CA10: variants seen among roughly 807,000 people sequenced by gnomAD.
CA10 encodes carbonic anhydrase 10 (inactive).
CA10 carries 14 observed loss-of-function variants against 44.2 expected under a neutral mutation model. The observed-to-expected ratio is 0.32, with a 90% CI of 0.21 to 0.50. The LOEUF (loss-of-function observed/expected upper bound fraction) is 0.50, where lower values mean the gene tolerates loss of function less well. CA10 is among the 20% of genes least tolerant of loss of function. The pLI is 0.99. For synonymous variants in CA10, 159 were observed against 141.6 expected (o/e 1.12, Z -0.87); for missense variants, 350 against 409.7 (o/e 0.85, Z 1.26).
chr17:52,119,654 C>T (rs144689777), intron 1 of CA10, among the ~76,000 whole-genome samples: 67 of 152,292 alleles, frequency 4.4e-4, no homozygotes, highest in African/African-American at 1.5e-3. Flanking sequence ...CAAAGCCAAT[C>T]TGAAAGGCCT....
chr17:51,865,483 T>C (rs1339379786), intron 3 of CA10, among the ~76,000 whole-genome samples: 1 of 152,186 alleles, frequency 6.6e-6, no homozygotes, highest in African/African-American at 2.4e-5. Flanking sequence ...ACATTTATAG[T>C]GCAATGATCC....
chr17:52,019,957 G>C (rs566513200), intron 2 of CA10, among the ~76,000 whole-genome samples: 1 of 151,144 alleles, frequency 6.6e-6, no homozygotes. Context: ...TGTGTTTTCT[G>C]GATTAAAAAA....
At chr17:51,821,849 T>C (rs932757958) in intron 3 of CA10, among the ~76,000 whole-genome samples, 4 of 152,184 alleles carry the variant, frequency 2.6e-5, no homozygotes, top group African/African-American at 7.2e-5. Flanking sequence ...CCGATTCTGT[T>C]ATCTATTGGC....
intron 3 of CA10, among the ~76,000 whole-genome samples, chr17:51,896,594 T>C (rs1269296928): frequency 6.6e-6 from 1 of 152,164 alleles, no homozygotes; most frequent in African/African-American, 2.4e-5. Flanking sequence ...TCTTTGGTTA[T>C]ATACCCAACA....
At chr17:51,832,415 G>A (rs181436906) in intron 3 of CA10, among the ~76,000 whole-genome samples, 11 of 152,314 alleles carry the variant, frequency 7.2e-5, no homozygotes, top group African/African-American at 2.6e-4. Flanking sequence ...GGTTTCCTCA[G>A]ACATGTGCTT....
chr17:52,107,563 AG>A (rs373648119), intron 1 of CA10, among the ~76,000 whole-genome samples: 159 of 152,322 alleles, frequency 1.0e-3, no homozygotes, highest in African/African-American at 3.6e-3. Flanking sequence ...AACATAGGAG[AG>A]AAAAAAATCC....
chr17:51,711,363 TGTTTC>T (rs1354741539), intron 4 of CA10, among the ~76,000 whole-genome samples: 1 of 152,256 alleles, frequency 6.6e-6, no homozygotes, highest in African/African-American at 2.4e-5. Flanking sequence ...AAGAGATCAC[TGTTTC>T]CTTACCCTCA....
chr17:51,871,419 TA>T (rs1195214213), intron 3 of CA10, among the ~76,000 whole-genome samples: 2 of 147,400 alleles, frequency 1.4e-5, no homozygotes, highest in African/African-American at 5.0e-5. Flanking sequence ...TTTTTTTTTT[TA>T]GTAGAGACGG....
At chr17:52,143,694 C>G (rs1989527922) in intron 1 of CA10, among the ~76,000 whole-genome samples, 4 of 152,082 alleles carry the variant, frequency 2.6e-5, no homozygotes, top group African/African-American at 9.7e-5. Context: ...CTCAGCTTCT[C>G]TAAGTACAAT....
At chr17:51,735,515 G>A (rs1916871521) in intron 4 of CA10, among the ~76,000 whole-genome samples, 1 of 150,318 alleles carries the variant, frequency 6.7e-6, no homozygotes, top group Non-Finnish European at 1.5e-5. Flanking sequence ...ACACGAACAT[G>A]TACCCCCCAC....
chr17:51,802,588 A>C (rs2937312), intron 3 of CA10, among the ~76,000 whole-genome samples: 3 of 142,382 alleles, frequency 2.1e-5, no homozygotes, highest in East Asian at 2.1e-4. Context: ...AAAAAAAAAA[A>C]CAACCAGAAG....
At chr17:52,056,095 G>A (rs1015646497) in intron 2 of CA10, among the ~76,000 whole-genome samples, 2 of 152,014 alleles carry the variant, frequency 1.3e-5, no homozygotes, top group Non-Finnish European at 2.9e-5. Context: ...AGAGGCTCTG[G>A]AAGTCTACCT....
At chr17:52,002,516 A>G (rs761881457) in intron 2 of CA10, among the ~76,000 whole-genome samples, 9 of 152,032 alleles carry the variant, frequency 5.9e-5, no homozygotes, top group Admixed American at 2.0e-4. Context: ...AAAAAGTCCA[A>G]TGTCTAAACC....
intron 2 of CA10, among the ~76,000 whole-genome samples, chr17:52,038,778 C>A (rs905276828): frequency 6.6e-6 from 1 of 152,196 alleles, no homozygotes; most frequent in Non-Finnish European, 1.5e-5. Context: ...CTGCTCTACA[C>A]TCTTTAAACA....
intron 3 of CA10, among the ~76,000 whole-genome samples, chr17:51,909,395 G>A (rs1201256965): frequency 6.6e-6 from 1 of 152,092 alleles, no homozygotes; most frequent in African/African-American, 2.4e-5. Flanking sequence ...TCAAGGAACT[G>A]AAAGCCACAC....
intron 3 of CA10, among the ~76,000 whole-genome samples, chr17:51,861,549 T>C (rs1177226621): frequency 1.3e-5 from 2 of 151,946 alleles, no homozygotes; most frequent in African/African-American, 4.8e-5. Flanking sequence ...GTGTGTTTTT[T>C]TTTTTTTTAA....
intron 3 of CA10, among the ~76,000 whole-genome samples, chr17:51,821,323 G>C (rs1294255659): frequency 6.6e-6 from 1 of 151,728 alleles, no homozygotes; most frequent in Non-Finnish European, 1.5e-5. Flanking sequence ...CCATGGACAG[G>C]TGGAAAGAGG....
chr17:52,153,010 A>G (rs1394272040), intron 1 of CA10, among the ~76,000 whole-genome samples: 1 of 152,128 alleles, frequency 6.6e-6, no homozygotes, highest in African/African-American at 2.4e-5. Context: ...TGATACCTAG[A>G]TCTCTTTTTG....
chr17:51,656,684 A>G (rs1015195761), intron 4 of CA10, among the ~76,000 whole-genome samples: 2 of 152,250 alleles, frequency 1.3e-5, no homozygotes, highest in Admixed American at 1.3e-4. Flanking sequence ...TCTAGGGATC[A>G]GCAGCAGCCA....
Sources: allele counts gnomAD v4.1 joint callset (sites outside exome capture counted in the v4.1 genomes callset), GRCh38; gene constraint gnomAD v4.1.1; transcripts MANE v1.5; gene names NCBI Gene and HGNC (gene_info 2026-07-23, HGNC 2026-07-21).